The following LRRTM4 variants were observed in gnomAD, a reference collection of about 807,000 sequenced individuals.
LRRTM4 encodes leucine-rich repeat transmembrane neuronal protein 4.
LRRTM4 carries 25 observed loss-of-function variants against 47.6 expected under a neutral mutation model. The ratio of observed to expected loss-of-function variants is 0.53; its 90% confidence interval spans 0.38 to 0.73. LRRTM4 has a LOEUF of 0.73. Among genes scored for constraint, LRRTM4 ranks in the 30% least tolerant of loss-of-function variants. The pLI is 0.00. For missense variants in LRRTM4, 638 were observed against 713.4 expected (o/e 0.89, Z 1.20); for synonymous variants, 311 against 269.5 (o/e 1.15, Z -1.51).
At chr2:77,354,274 G>GGA (rs1362301573) in intron 3 of LRRTM4, among the ~76,000 whole-genome samples, 2 of 152,086 alleles carry the variant, frequency 1.3e-5, no homozygotes, top group Non-Finnish European at 2.9e-5. Context: ...CGTGAGTAGA[G>GGA]GAGAGAAATA....
chr2:77,299,367 ATATATATACGTATATATGTGTG>A (rs1380967397), intron 3 of LRRTM4, among the ~76,000 whole-genome samples: 4 of 151,310 alleles, frequency 2.6e-5, no homozygotes, highest in Non-Finnish European at 2.9e-5. Flanking sequence ...ATATGTGTGT[ATATATATACGTATATATGTGTG>A]TATATATACG....
At chr2:77,253,755 G>A (rs1319144466) in intron 3 of LRRTM4, among the ~76,000 whole-genome samples, 2 of 151,968 alleles carry the variant, frequency 1.3e-5, no homozygotes, top group African/African-American at 4.8e-5. Context: ...AAAAGAATAT[G>A]AAGAGAGTAT....
At chr2:77,316,635 C>T (rs570521468) in intron 3 of LRRTM4, among the ~76,000 whole-genome samples, 1 of 151,928 alleles carries the variant, frequency 6.6e-6, no homozygotes, top group East Asian at 1.9e-4. Flanking sequence ...GCAACCCCTG[C>T]CTCCTAGATT....
chr2:76,954,752 A>C (rs1675615415), intron 3 of LRRTM4, among the ~76,000 whole-genome samples: 1 of 151,832 alleles, frequency 6.6e-6, no homozygotes, highest in South Asian at 2.1e-4. Flanking sequence ...TAATAAAATT[A>C]TCAAAATTAA....
At chr2:77,452,740 A>G (rs555605591) in intron 3 of LRRTM4, among the ~76,000 whole-genome samples, 1 of 152,306 alleles carries the variant, frequency 6.6e-6, no homozygotes, top group South Asian at 2.1e-4. Context: ...ATCCTGCTAG[A>G]GAGTCATACT....
chr2:76,829,806 A>G (rs925932734), intron 3 of LRRTM4, among the ~76,000 whole-genome samples: 5 of 151,874 alleles, frequency 3.3e-5, no homozygotes, highest in Non-Finnish European at 5.9e-5. Context: ...AAAGTGTGAG[A>G]CCTCTGCCTT....
chr2:77,138,913 A>AT (rs1672031618), intron 3 of LRRTM4, among the ~76,000 whole-genome samples: 1 of 152,198 alleles, frequency 6.6e-6, no homozygotes, highest in Non-Finnish European at 1.5e-5. Context: ...TACTCCCAAG[A>AT]CTAAACCAGG....
intron 2 of LRRTM4, among the ~76,000 whole-genome samples, chr2:77,520,511 T>A (rs1679442603): frequency 6.6e-6 from 1 of 152,094 alleles, no homozygotes; most frequent in Non-Finnish European, 1.5e-5. Context: ...TTAATAAGCA[T>A]AGATTATTGC....
chr2:77,096,425 A>G (rs1375460623), intron 3 of LRRTM4, among the ~76,000 whole-genome samples: 1 of 151,636 alleles, frequency 6.6e-6, no homozygotes, highest in Non-Finnish European at 1.5e-5. Context: ...TAAAGAAAAA[A>G]ACTCAGAAGT....
chr2:76,792,051 C>G (rs966975833), intron 3 of LRRTM4, among the ~76,000 whole-genome samples: 1 of 152,090 alleles, frequency 6.6e-6, no homozygotes, highest in African/African-American at 2.4e-5. Context: ...TCTTATTTAT[C>G]TAAGCATGCA....
chr2:77,096,849 T>C (rs1283498690), intron 3 of LRRTM4, among the ~76,000 whole-genome samples: 2 of 151,770 alleles, frequency 1.3e-5, no homozygotes, highest in African/African-American at 2.4e-5. Context: ...CCATATTAAA[T>C]GGAAGAAACA....
intron 3 of LRRTM4, among the ~76,000 whole-genome samples, chr2:76,850,299 C>T (rs547258795): frequency 1.3e-5 from 2 of 152,138 alleles, no homozygotes; most frequent in Admixed American, 1.3e-4. Flanking sequence ...CAATATTCTC[C>T]ATAAAGAGAT....
intron 3 of LRRTM4, among the ~76,000 whole-genome samples, chr2:76,984,216 G>A (rs1446717): frequency 0.28 from 42,114 of 151,806 alleles, 5,974 homozygotes; most frequent in East Asian, 0.42. Context: ...GCTTTTCACA[G>A]CTTTATGATG....
chr2:76,988,479 A>T (rs1177860090), intron 3 of LRRTM4, among the ~76,000 whole-genome samples: 1 of 151,818 alleles, frequency 6.6e-6, no homozygotes, highest in Admixed American at 6.6e-5. Context: ...CAGTCTACAC[A>T]AGAGTTTTCT....
intron 3 of LRRTM4, among the ~76,000 whole-genome samples, chr2:77,382,926 G>A (rs1436926523): frequency 4.6e-5 from 7 of 152,058 alleles, no homozygotes; most frequent in African/African-American, 1.2e-4. Flanking sequence ...ACTAACTTGA[G>A]TGGAGCACTG....
intron 3 of LRRTM4, among the ~76,000 whole-genome samples, chr2:77,261,092 C>T (rs1444087960): frequency 2.0e-5 from 3 of 151,750 alleles, no homozygotes; most frequent in Admixed American, 1.3e-4. Context: ...CATAGTTCCT[C>T]TAGAGAAAGG....
At chr2:77,245,110 C>A (rs1187304314) in intron 3 of LRRTM4, among the ~76,000 whole-genome samples, 1 of 152,082 alleles carries the variant, frequency 6.6e-6, no homozygotes, top group Non-Finnish European at 1.5e-5. Context: ...TAATACATGA[C>A]AAATGCTACT....
intron 3 of LRRTM4, among the ~76,000 whole-genome samples, chr2:77,211,048 C>T (rs1674279356): frequency 6.6e-6 from 1 of 152,030 alleles, no homozygotes; most frequent in South Asian, 2.1e-4. Flanking sequence ...GTGTTCAAGG[C>T]CCATCCAGGA....
chr2:76,839,132 G>T (rs1038996638), intron 3 of LRRTM4, among the ~76,000 whole-genome samples: 1 of 152,030 alleles, frequency 6.6e-6, no homozygotes, highest in Non-Finnish European at 1.5e-5. Context: ...TGTTAATTAT[G>T]AAACTGTTAA....
Sources: gnomAD v4.1 joint callset for allele counts (sites outside exome capture counted in the v4.1 genomes callset) on GRCh38, gnomAD v4.1.1 for gene constraint, MANE v1.5 for transcripts, NCBI Gene and HGNC (gene_info 2026-07-23, HGNC 2026-07-21) for gene names.